The following GIT1 variants were observed in gnomAD, a reference collection of about 807,000 sequenced individuals.
GIT1 encodes the protein GIT ArfGAP 1.
In GIT1, 14 loss-of-function variants were observed where a neutral mutation model predicts 91.7. That is an observed-to-expected ratio of 0.15 (90% CI 0.10 to 0.24). GIT1 has a LOEUF of 0.24. GIT1 is among the 10% of genes least tolerant of loss of function. The pLI is 1.00. For missense variants in GIT1, 717 were observed against 1,024.9 expected, an observed-to-expected ratio of 0.70 and a Z score of 4.10; for synonymous variants, 414 against 418.2, an observed-to-expected ratio of 0.99 and a Z score of 0.12.
At chr17:29,579,672 A>T (rs1478868386) in intron 7 of GIT1, among the ~76,000 whole-genome samples, 1 of 151,898 alleles carries the variant, frequency 6.6e-6, no homozygotes, top group Non-Finnish European at 1.5e-5. Context: ...GTGGTAAGCT[A>T]TGATCAAGCC....
chr17:29,581,228 G>C lies in GIT1; in HGVS notation c.761+110C>G, dbSNP rs1174077618. 6 of 792,150 alleles carry C rather than the reference G, an allele frequency of 7.6e-6. No homozygotes were observed. Among genetic ancestry groups the C allele is most frequent in the Non-Finnish European group, 1.3e-5 (6 of 446,842 alleles). The allele number at this position is 792,150 out of a possible 1,614,324, so 49.1% of individuals were successfully genotyped here. ...CTAAGCTGTGCCTCTAGTCTCTGGGGGGAGGGAGCAGGGTCCTAGGCCTCT... is the reference window on the plus strand; with the variant it reads ...CTAAGCTGTGCCTCTAGTCTCTGGGCGGAGGGAGCAGGGTCCTAGGCCTCT... On this transcript the variant is annotated intron_variant, in intron 7 of 19. Coordinates refer to ENST00000225394, the MANE Select transcript of GIT1 (RefSeq NM_014030.4). This position sits in a 1 kb window ranked among gnomAD's most constrained non-coding sequence, Gnocchi z 4.8.
chr17:29,581,291 C>G lies in GIT1; in HGVS notation c.761+47G>C, dbSNP rs2033385060. 1 of 1,488,884 alleles carries G rather than the reference C, an allele frequency of 6.7e-7. No individual in the cohort carries two copies. Among genetic ancestry groups the G allele is most frequent in the Non-Finnish European group, 9.4e-7 (1 of 1,066,870 alleles). 92.2% of individuals were successfully genotyped at this position (1,488,884 alleles called of 1,614,324 possible). A position where few individuals can be genotyped will look rare whatever the true frequency, so the allele number is the denominator to read the frequency against. ...GGGAGCTCTGGGGGTCAGCCACCCA[C>G]ATGGCATCCAACAGCCTCTGGAAAG... On this transcript the variant is annotated intron_variant, in intron 7 of 19. Coordinates refer to ENST00000225394, the MANE Select transcript of GIT1 (RefSeq NM_014030.4). This position sits in a 1 kb window ranked among gnomAD's most constrained non-coding sequence, Gnocchi z 4.8.
intron 3 of GIT1, 28 bp from the exon 4 acceptor site, chr17:29,582,831 G>T (rs758758400): frequency 1.8e-5 from 28 of 1,592,048 alleles, no homozygotes; most frequent in Non-Finnish European, 2.4e-5. Flanking sequence ...GAGGAATGGG[G>T]AGCATGGTGG....
rs3785960 is a variant in GIT1, at chr17:29,580,322, A to G, written c.761+1016T>C. ...CCAGGTAGAATCAGACCATAGAAGT[A>G]GGAGCCTTGGGGTCTGGAAGAGGTC... On this transcript the variant is annotated intron_variant, in intron 7 of 19. Coordinates refer to ENST00000225394, the MANE Select transcript of GIT1 (RefSeq NM_014030.4). Among the ~76,000 whole-genome samples the G allele has an allele frequency of 9.1e-3, 1,394 of 152,350 alleles. 76 individuals carry two copies. In the East Asian group the frequency reaches 0.14, roughly 15 times the overall value.
At position 29,576,813 on chromosome 17, in the gene GIT1, A is replaced by G. The variant is rs1317869982; in HGVS notation, c.1227+50T>C. The G allele has an allele frequency of 1.9e-6, 3 of 1,576,502 alleles. No homozygotes were observed. In the South Asian group the frequency reaches 3.4e-5, roughly 18 times the overall value. On this transcript the variant is annotated intron_variant, in intron 12 of 19. Coordinates refer to ENST00000225394, the MANE Select transcript of GIT1 (RefSeq NM_014030.4). ...AAGAGGACAGAGCTGGGCCTCAGCG[A>G]AGGCCTGGGTCAGGGCACAGGGGAG...
rs2150858708 is a variant in GIT1 at position 29,589,513 on chromosome 17, A to C, written c.-135T>G. ...CGGCGAGGCTCCGCGCGCCCGGCCA[A>C]CCGTCCGCCCCGGGGCTGGCCCGGA... On this transcript the variant is annotated 5_prime_UTR_variant, in exon 1 of 20. Coordinates refer to ENST00000225394, the MANE Select transcript of GIT1 (RefSeq NM_014030.4). The surrounding 1 kb of genome is among the most constrained non-coding windows in gnomAD (Gnocchi z 5.2). The C allele has an allele frequency of 4.9e-6, 1 of 204,314 alleles. No individual in the cohort carries two copies. The highest frequency in any genetic ancestry group is 8.3e-6 in the Non-Finnish European group (1 of 120,334). The allele number at this position is 204,314 out of a possible 1,614,324, so 12.7% of individuals were successfully genotyped here.
rs371029193 is a variant in GIT1 at position 29,575,459 on chromosome 17, T to C, written c.1838A>G (p.Lys613Arg). The C allele has an allele frequency of 1.1e-5, 18 of 1,606,280 alleles. No homozygotes were observed. The highest frequency in any genetic ancestry group is 1.5e-5 in the Non-Finnish European group (18 of 1,176,296). ...CTCTTTGCCCAGCTCTAGAAACCTC[T>C]TCCCTTCCAGCCTGAGGCCCAGGTC... ...SGDPLLGLEGKRFLELGKEED... is the reference protein window; with the variant it reads ...SGDPLLGLEGRRFLELGKEED... The change falls in exon 18 of 20, where the codon AAG becomes AGG. Residue 613 changes from lysine to arginine, a missense_variant. This residue lies in a region of GIT1 where 134 missense variants were observed against 223.8 expected (regional missense o/e 0.60). Coordinates refer to ENST00000225394, the MANE Select transcript of GIT1 (RefSeq NM_014030.4). The surrounding 1 kb of genome is among the most constrained non-coding windows in gnomAD (Gnocchi z 5.5).
In GIT1 at chr17:29,575,614, A is replaced by G; in HGVS notation, c.1826+16T>C. On this transcript the variant is annotated intron_variant, in intron 17 of 19. Transcript: ENST00000225394. The surrounding 1 kb of genome is among the most constrained non-coding windows in gnomAD (Gnocchi z 5.5). Reference sequence around the variant, plus strand: ...GGCATGTGAGCAGGCTGGACTGGAGACCCAGGGAGCCTCACCCCAGCAGTG... The same window carrying G: ...GGCATGTGAGCAGGCTGGACTGGAGGCCCAGGGAGCCTCACCCCAGCAGTG... 1.2e-6 allele frequency: 2 copies of G among 1,608,880 alleles called. No homozygotes were observed. Among genetic ancestry groups the G allele is most frequent in the Non-Finnish European group, 8.5e-7 (1 of 1,178,282 alleles).
chr17:29,583,822 G>T, intron 1 of GIT1: 1 of 600,800 alleles, frequency 1.7e-6, no homozygotes, highest in South Asian at 2.1e-5. Flanking sequence ...ACAGAGCCAT[G>T]CCCTTTCCTA....
At position 29,574,695 on chromosome 17, in the gene GIT1, A is replaced by G. The variant is rs757079774; in HGVS notation, c.*7T>C. 2.5e-6 allele frequency: 4 copies of G among 1,606,950 alleles called. No individual in the cohort carries two copies. The South Asian group carries it at 3.3e-5, about 13-fold the overall frequency. Reference sequence around the variant, plus strand: ...CTAGGGTGCAGGTGAGGGTGTGGGGAGAGAGGTCACTGCTTCTTCTCTCGG... The same window carrying G: ...CTAGGGTGCAGGTGAGGGTGTGGGGGGAGAGGTCACTGCTTCTTCTCTCGG... On this transcript the variant is annotated 3_prime_UTR_variant, in exon 20 of 20. Transcript: ENST00000225394.
chr17:29,583,108 C>T (rs986149533), intron 2 of GIT1, 71 bp from the exon 3 acceptor site: 6 of 1,051,882 alleles, frequency 5.7e-6, no homozygotes, highest in Non-Finnish European at 8.8e-6. Flanking sequence ...ACTTCCTGAG[C>T]GCCTGCTGTG....
chr17:29,574,526 C>A lies in GIT1; in HGVS notation c.*176G>T. 1 of 673,626 alleles carries A rather than the reference C, an allele frequency of 1.5e-6. No individual in the cohort carries two copies. The highest frequency in any genetic ancestry group is 2.5e-5 in the East Asian group (1 of 40,112). 41.7% of individuals were successfully genotyped at this position (673,626 alleles called of 1,614,324 possible). ...CAGAAGCTCCTGCCCCCCCACCTCC[C>A]CATCCTTAGGGGCTCGACAGGGGTG... On this transcript the variant is annotated 3_prime_UTR_variant, in exon 20 of 20. Transcript: ENST00000225394.
At position 29,582,133 on chromosome 17, in the gene GIT1, C is replaced by T. The variant is rs774560724; in HGVS notation, c.417G>A (p.Ser139=). 2.0e-5 allele frequency: 32 copies of T among 1,575,662 alleles called. No individual in the cohort carries two copies. The highest frequency in any genetic ancestry group is 2.7e-5 in the African/African-American group (2 of 74,172). The change falls in exon 5 of 20, where the codon TCG becomes TCA. Residue 139 remains serine, a synonymous_variant. Coordinates refer to ENST00000225394, the MANE Select transcript of GIT1 (RefSeq NM_014030.4). Reference sequence around the variant, plus strand: ...TCTCCAGGTTGCCTGTCCGCACGCTCGAGTGTAGTTGCTAAGAGGAGCAGA... The same window carrying T: ...TCTCCAGGTTGCCTGTCCGCACGCTTGAGTGTAGTTGCTAAGAGGAGCAGA... ...TAKDLSKQLH[S]SVRTGNLETC...
In GIT1 at chr17:29,575,131, C is replaced by T; in HGVS notation, c.2021G>A (p.Cys674Tyr). The change falls in exon 19 of 20, where the codon TGC becomes TAC. Residue 674 changes from cysteine to tyrosine, a missense_variant. Transcript: ENST00000225394. The surrounding 1 kb of genome is among the most constrained non-coding windows in gnomAD (Gnocchi z 5.5). ...QEFKHDSFVPCSEKIHLAVTE... is the reference protein window; with the variant it reads ...QEFKHDSFVPYSEKIHLAVTE... Reference sequence around the variant, plus strand: ...CACAGCCAAATGGATCTTCTCTGAGCAGGGCACGAAGCTGCGGGGAGAAGG... The same window carrying T: ...CACAGCCAAATGGATCTTCTCTGAGTAGGGCACGAAGCTGCGGGGAGAAGG... 6.2e-7 allele frequency: 1 copy of T among 1,600,478 alleles called. No homozygotes were observed.
rs777060933 is a variant in GIT1, at chr17:29,583,041, C to T, written c.187-4G>A. On this transcript the variant is annotated splice_polypyrimidine_tract_variant and splice_region_variant and intron_variant, in intron 2 of 19. Transcript: ENST00000225394. Reference sequence around the variant, plus strand: ...TGCTGGCAAGCGTGTGCACCATCTGCAGGGAAGAGATGCCAAGTGAGAGAG... The same window carrying T: ...TGCTGGCAAGCGTGTGCACCATCTGTAGGGAAGAGATGCCAAGTGAGAGAG... The T allele has an allele frequency of 1.5e-5, 23 of 1,584,566 alleles. No individual in the cohort carries two copies. The South Asian group carries it at 2.4e-4, about 17-fold the overall frequency.
chr17:29,578,171 G>T, intron 9 of GIT1, 128 bp downstream of exon 9: 1 of 775,318 alleles, frequency 1.3e-6, no homozygotes. Flanking sequence ...ACAGCCAGCA[G>T]GGGCTCATCT....
chr17:29,574,921 G>C lies in GIT1; in HGVS notation c.2074-7C>G. On this transcript the variant is annotated splice_polypyrimidine_tract_variant and splice_region_variant and intron_variant, in intron 19 of 19. Coordinates refer to ENST00000225394, the MANE Select transcript of GIT1 (RefSeq NM_014030.4). ...CTGGCTCCAGGGCTGGCCTCTGGAG[G>C]GGGCAGGAGTGAGGCTGGACCTTGG... 1 of 1,552,850 alleles carries C rather than the reference G, an allele frequency of 6.4e-7. No individual in the cohort carries two copies. The highest frequency in any genetic ancestry group is 8.7e-7 in the Non-Finnish European group (1 of 1,148,938).
chr17:29,576,516 C>T lies in GIT1; in HGVS notation c.1380+6G>A. The T allele has an allele frequency of 6.2e-7, 1 of 1,613,832 alleles. No individual in the cohort carries two copies. The stretch of plus-strand genomic sequence containing the variant: ...GCTCCCCCTCCCACCGAGGCTGCAC[C>T]CTCACCTCTCGCTGCAGCCTCCGGA... On this transcript the variant is annotated splice_donor_region_variant and intron_variant, in intron 13 of 19. Coordinates refer to ENST00000225394, the MANE Select transcript of GIT1 (RefSeq NM_014030.4).
rs774883792 is a variant in GIT1, at chr17:29,577,710, C to G, written c.916G>C (p.Val306Leu). ...WLATQNHSTLVTERSAVPFLP... is the reference protein window; with the variant it reads ...WLATQNHSTLLTERSAVPFLP... ...AAGGGCACGGCACTGCGCTCTGTCA[C>G]CAGAGTGCTGTGGTTTTGGGTAGCC... Residue 306 changes from valine (V) to leucine (L), a missense_variant, in exon 10 of 20, where the codon GTG becomes CTG. Val to Leu is a conservative substitution (Grantham distance 32). Coordinates refer to ENST00000225394, the MANE Select transcript of GIT1 (RefSeq NM_014030.4). 1 of 1,612,098 alleles carries G rather than the reference C, an allele frequency of 6.2e-7. No individual in the cohort carries two copies. Among genetic ancestry groups the G allele is most frequent in the East Asian group, 2.2e-5 (1 of 44,838 alleles).
Sources: gnomAD v4.1 joint callset for allele counts (sites outside exome capture counted in the v4.1 genomes callset) on GRCh38, gnomAD v4.1.1 for gene constraint, gnomAD v4.1.1 regional missense constraint, Gnocchi (gnomAD v3.1) non-coding constraint, MANE v1.5 for transcripts, NCBI Gene and HGNC (gene_info 2026-07-23, HGNC 2026-07-21) for gene names.